The following DNAJC13 variants were observed in gnomAD, a reference collection of about 807,000 sequenced individuals.
DNAJC13 encodes the protein dnaJ homolog subfamily C member 13.
A neutral mutation model predicts 290.5 loss-of-function variants in DNAJC13; 75 were observed. That is an observed-to-expected ratio of 0.26 (90% CI 0.21 to 0.31). The LOEUF (loss-of-function observed/expected upper bound fraction) is 0.31. Among genes scored for constraint, DNAJC13 ranks in the 10% least tolerant of loss-of-function variants. The pLI, the probability that DNAJC13 is intolerant of heterozygous loss-of-function variation, is 1.00. For synonymous variants in DNAJC13, 862 were observed against 892.0 expected (o/e 0.97, Z 0.60); for missense variants, 2,260 against 2,674.5 (o/e 0.85, Z 3.42).
intron 30 of DNAJC13, among the ~76,000 whole-genome samples, chr3:132,488,760 TG>T (rs1934967529): frequency 6.6e-6 from 1 of 152,178 alleles, no homozygotes; most frequent in African/African-American, 2.4e-5. Flanking sequence ...TTTTTTATAT[TG>T]TCACATAGCT....
At chr3:132,505,941 C>T (rs993579954) in intron 42 of DNAJC13, among the ~76,000 whole-genome samples, 3 of 150,822 alleles carry the variant, frequency 2.0e-5, no homozygotes, top group African/African-American at 4.9e-5. Flanking sequence ...AGTTATTTAG[C>T]GTTTTTGAGC....
chr3:132,523,970 G>GC (rs1178704126), intron 51 of DNAJC13: 1 of 345,016 alleles, frequency 2.9e-6, no homozygotes, highest in Non-Finnish European at 5.2e-6. Flanking sequence ...AGTTACAGAA[G>GC]CCTGAAAAGA....
chr3:132,450,660 A>G lies in DNAJC13; in HGVS notation c.350A>G (p.Tyr117Cys), dbSNP rs376397501. 1.1e-5 allele frequency: 17 copies of G among 1,611,718 alleles called. No homozygotes were observed. The highest frequency in any genetic ancestry group is 3.3e-4 in the Middle Eastern group (2 of 6,064). ...GKITGRRYNCYKHHWSDSRKP... is the reference protein window; with the variant it reads ...GKITGRRYNCCKHHWSDSRKP... ...TTCTGTCTTTAGAGATACAACTGCT[A>G]TAAGCATCACTGGAGTGACTCAAGA... is the stretch of plus-strand genomic sequence containing the variant. Residue 117 changes from tyrosine to cysteine, a missense_variant, in exon 6 of 56, where the codon TAT becomes TGT. By Grantham distance (194) the Tyr-to-Cys change is radical. This residue lies in a region of DNAJC13 where 762 missense variants were observed against 964.1 expected (regional missense o/e 0.79). Coordinates refer to ENST00000260818, the MANE Select transcript of DNAJC13 (RefSeq NM_015268.4).
In DNAJC13 at chr3:132,453,424, C is replaced by G; in HGVS notation, c.664C>G (p.Arg222Gly). 6.2e-7 allele frequency: 1 copy of G among 1,613,940 alleles called. No homozygotes were observed. Among genetic ancestry groups the G allele is most frequent in the Non-Finnish European group, 8.5e-7 (1 of 1,179,926 alleles). The change falls in exon 7 of 56, where the codon CGC (arginine) becomes GGC (glycine). Residue 222 changes from arginine to glycine, a missense_variant. By Grantham distance (125) the Arg-to-Gly change is moderately radical. Coordinates refer to ENST00000260818, the MANE Select transcript of DNAJC13 (RefSeq NM_015268.4). The stretch of plus-strand genomic sequence containing the variant: ...AGAATTCGAGCAATATTTGAATCTT[C>G]GCTTTGGAAAATACAGCACTGATGA... ...PLEFEQYLNL[R>G]FGKYSTDESI...
rs751607189 is a variant in DNAJC13, at chr3:132,528,251, C to T, written c.6444C>T (p.Asn2148=). ...LKLLEGIGLE[N]LDSPAATKAQ... ...TACTCGAAGGCATTGGCCTTGAAAA[C>T]CTGGACAGCCCAGCAGCCACTAAGG... The change falls in exon 54 of 56, where the codon AAC becomes AAT. Residue 2148 remains asparagine (N), a synonymous_variant. Transcript: ENST00000260818. 8.1e-6 allele frequency: 13 copies of T among 1,614,052 alleles called. No individual in the cohort carries two copies. The highest frequency in any genetic ancestry group is 1.6e-4 in the Middle Eastern group (1 of 6,084).
Position 132,523,664 on chromosome 3 carries a change from T to C in DNAJC13, c.6011T>C (p.Ile2004Thr), listed in dbSNP as rs749927932. 1.2e-6 allele frequency: 2 copies of C among 1,614,046 alleles called. No homozygotes were observed. Among genetic ancestry groups the C allele is most frequent in the Non-Finnish European group, 1.7e-6 (2 of 1,179,950 alleles). Residue 2004 changes from isoleucine (I) to threonine (T), a missense_variant, in exon 51 of 56, where the codon ATT becomes ACT. By Grantham distance (89) the Ile-to-Thr change is moderately conservative. Coordinates refer to ENST00000260818, the MANE Select transcript of DNAJC13 (RefSeq NM_015268.4). ...CTAAGAAAGCCTAGAGAATTTCTTA[T>C]TGCCCTGTTAGAAAAATTAACTGAG... ...WVLRKPREFLIALLEKLTELL... is the reference protein window; with the variant it reads ...WVLRKPREFLTALLEKLTELL...
At chr3:132,487,048 A>G (rs781645143) in intron 29 of DNAJC13, among the ~76,000 whole-genome samples, 49 of 152,286 alleles carry the variant, frequency 3.2e-4, no homozygotes, top group Non-Finnish European at 6.6e-4. Context: ...GGAAAATTCT[A>G]TATGACTGTA....
intron 15 of DNAJC13, 93 bp downstream of exon 15, chr3:132,461,298 A>G (rs1933787179): frequency 1.0e-5 from 14 of 1,388,372 alleles, no homozygotes; most frequent in South Asian, 8.4e-5. Context: ...GCATACTTCT[A>G]TAGCAGAGGT....
chr3:132,430,590 T>A (rs1405129943), intron 1 of DNAJC13, among the ~76,000 whole-genome samples: 1 of 152,192 alleles, frequency 6.6e-6, no homozygotes, highest in Non-Finnish European at 1.5e-5. Flanking sequence ...GTTATTCCAA[T>A]ATCTTAAGTT....
Position 132,523,707 on chromosome 3 carries a change from T to C in DNAJC13, c.6054T>C (p.Asn2018=). ...TAACTGAGCTCCTAGAGAAGAACAA[T>C]CCTCATGTAAGCTTCAGTCAAAAGC... The part of the protein sequence containing the change: ...EKLTELLEKN[N]PHGETLETLT... The change falls in exon 51 of 56, where the codon AAT becomes AAC. Residue 2018 remains asparagine (N), a synonymous_variant. Coordinates refer to ENST00000260818, the MANE Select transcript of DNAJC13 (RefSeq NM_015268.4). 2 of 1,612,496 alleles carry C rather than the reference T, an allele frequency of 1.2e-6. No homozygotes were observed. Among genetic ancestry groups the C allele is most frequent in the Non-Finnish European group, 1.7e-6 (2 of 1,179,460 alleles).
chr3:132,524,156 C>A (rs1361591368), intron 51 of DNAJC13: 2 of 153,220 alleles, frequency 1.3e-5, no homozygotes, highest in African/African-American at 4.8e-5. Context: ...GTGGTTGAAT[C>A]CTGTATCTGT....
intron 42 of DNAJC13, among the ~76,000 whole-genome samples, chr3:132,506,045 CTTTT>C (rs573857472): frequency 4.1e-5 from 3 of 72,648 alleles, no homozygotes; most frequent in Admixed American, 2.1e-4. Context: ...TGTACATTAT[CTTTT>C]TTTTTTTTTT....
At chr3:132,430,024 A>G (rs909119019) in intron 1 of DNAJC13, among the ~76,000 whole-genome samples, 2 of 152,130 alleles carry the variant, frequency 1.3e-5, no homozygotes, top group South Asian at 2.1e-4. Flanking sequence ...TTCCTCCTAC[A>G]CTAGTTTTCT....
chr3:132,474,941 A>C lies in DNAJC13; in HGVS notation c.2301A>C (p.Gln767His). ...NWDLFYYRFG[Q>H]DHARSNLIWN... ...TTATATGTATGTCTAGGTTTGGTCA[A>C]GACCATGCCAGGTCAAACCTTATTT... Residue 767 changes from glutamine (Q) to histidine (H), a missense_variant, in exon 22 of 56, where the codon CAA (glutamine) becomes CAC (histidine). Gln to His is a conservative substitution (Grantham distance 24, BLOSUM62 0). Around this residue, in one of 3 missense-constraint regions of DNAJC13, gnomAD observed 762 missense variants for 964.1 expected, o/e 0.79. Transcript: ENST00000260818. 3 of 1,597,412 alleles carry C rather than the reference A, an allele frequency of 1.9e-6. No homozygotes were observed. Among genetic ancestry groups the C allele is most frequent in the Non-Finnish European group, 2.6e-6 (3 of 1,171,142 alleles).
intron 43 of DNAJC13, 47 bp downstream of exon 43, chr3:132,507,400 T>C: frequency 2.8e-6 from 3 of 1,059,272 alleles, no homozygotes; most frequent in Non-Finnish European, 4.4e-6. Context: ...GATCATTTGT[T>C]ACTGAAAGTT....
At chr3:132,451,665 T>C (rs1933419516) in intron 6 of DNAJC13, among the ~76,000 whole-genome samples, 1 of 152,212 alleles carries the variant, frequency 6.6e-6, no homozygotes, top group East Asian at 1.9e-4. Flanking sequence ...TTTTAATTCT[T>C]GTAGCTACCT....
chr3:132,453,557 A>G (rs1269355420), intron 7 of DNAJC13, 42 bp from the exon 8 acceptor site: 11 of 1,608,524 alleles, frequency 6.8e-6, no homozygotes, highest in Non-Finnish European at 8.5e-6. Flanking sequence ...TTGACGTTTT[A>G]AAAAATAACT....
chr3:132,447,977 C>T, intron 5 of DNAJC13, 38 bp downstream of exon 5: 1 of 1,319,068 alleles, frequency 7.6e-7, no homozygotes. Flanking sequence ...TTTATTTGTT[C>T]AAATGTTGCC....
intron 1 of DNAJC13, among the ~76,000 whole-genome samples, chr3:132,424,165 T>C (rs933731844): frequency 1.3e-5 from 2 of 152,162 alleles, no homozygotes. Context: ...TAAGTGAACA[T>C]GTTTCTGGAA....
Sources: allele counts gnomAD v4.1 joint callset (sites outside exome capture counted in the v4.1 genomes callset), GRCh38; gene constraint gnomAD v4.1.1; regional missense constraint gnomAD v4.1.1; transcripts MANE v1.5; gene names NCBI Gene and HGNC (gene_info 2026-07-23, HGNC 2026-07-21).